EIF4G3: variants seen among roughly 807,000 people sequenced by gnomAD.
EIF4G3 encodes eukaryotic translation initiation factor 4 gamma 3.
EIF4G3 carries 34 observed loss-of-function variants against 186.4 expected under a neutral mutation model. The ratio of observed to expected loss-of-function variants is 0.18; its 90% CI spans 0.14 to 0.24. The LOEUF (loss-of-function observed/expected upper bound fraction) is 0.24. Among genes scored for constraint, EIF4G3 ranks in the 10% least tolerant of loss-of-function variants. EIF4G3 has a pLI of 1.00. For missense variants in EIF4G3, 1,536 were observed against 1,948.5 expected (o/e 0.79, Z 3.99); for synonymous variants, 673 against 679.5 (o/e 0.99, Z 0.15).
At chr1:21,096,068 G>A (rs949455421) in intron 2 of EIF4G3, among the ~76,000 whole-genome samples, 1 of 152,138 alleles carries the variant, frequency 6.6e-6, no homozygotes, top group African/African-American at 2.4e-5. Flanking sequence ...GCAAAGCAAA[G>A]GCAGAAGGCA....
At chr1:20,990,490 T>C (rs1202136032) in intron 7 of EIF4G3, among the ~76,000 whole-genome samples, 1 of 152,120 alleles carries the variant, frequency 6.6e-6, no homozygotes, top group Non-Finnish European at 1.5e-5. Context: ...CTGGCCAACA[T>C]GGTGAAACCC....
chr1:20,920,065 C>T (rs921110643), intron 14 of EIF4G3, among the ~76,000 whole-genome samples: 2 of 152,082 alleles, frequency 1.3e-5, no homozygotes, highest in African/African-American at 4.8e-5. Flanking sequence ...CACCACCACA[C>T]CCAGCTAATT....
At chr1:21,000,492 G>A (rs2083258600) in intron 6 of EIF4G3, among the ~76,000 whole-genome samples, 1 of 151,924 alleles carries the variant, frequency 6.6e-6, no homozygotes, top group Non-Finnish European at 1.5e-5. Flanking sequence ...TCACCAGATG[G>A]GACAGCTGTG....
At chr1:21,040,929 G>C (rs1166095020) in intron 4 of EIF4G3, among the ~76,000 whole-genome samples, 2 of 151,912 alleles carry the variant, frequency 1.3e-5, no homozygotes, top group Non-Finnish European at 2.9e-5. Context: ...AACCAATTCA[G>C]GTGTTTCTGT....
Position 21,138,195 on chromosome 1 carries a change from G to A in EIF4G3, c.-272+37980C>T, listed in dbSNP as rs142368506. 2.2e-3 allele frequency among the ~76,000 whole-genome samples: 337 copies of A among 152,166 alleles called. 2 individuals are homozygous for A. The highest frequency in any genetic ancestry group is 7.6e-3 in the African/African-American group (316 of 41,498). ...GAAAATTTCAAAACATCCTGGAAAC[G>A]CCATTAACTGTATTAATGCAATCCA... On this transcript the variant is annotated intron_variant, in intron 2 of 36. Transcript: ENST00000602326.
intron 3 of EIF4G3, among the ~76,000 whole-genome samples, chr1:21,082,456 C>T (rs1190192003): frequency 1.3e-5 from 2 of 151,920 alleles, no homozygotes; most frequent in African/African-American, 4.8e-5. Context: ...TGTGGTGGCA[C>T]GTGCCTGTAA....
rs1397203131 is a variant in EIF4G3 at position 21,079,084 on chromosome 1, T to C, written c.-196+10054A>G. 3.3e-5 allele frequency among the ~76,000 whole-genome samples: 5 copies of C among 152,312 alleles called. No homozygotes were observed. In the East Asian group the frequency reaches 9.6e-4, roughly 29 times the overall value. ...AGATAAATGATTCTTCTAAAAAAAG[T>C]ATAAATAAATCTTTAGTTTAAATGA... On this transcript the variant is annotated intron_variant, in intron 3 of 36. Coordinates refer to ENST00000602326, the MANE Select transcript of EIF4G3 (RefSeq NM_001391906.1).
intron 3 of EIF4G3, among the ~76,000 whole-genome samples, chr1:21,085,226 T>A (rs765551710): frequency 2.0e-5 from 3 of 152,166 alleles, no homozygotes; most frequent in Admixed American, 6.6e-5. Context: ...TTTTTACTTA[T>A]CTTAATTTAA....
intron 2 of EIF4G3, among the ~76,000 whole-genome samples, chr1:21,117,224 T>G (rs921430787): frequency 2.0e-5 from 3 of 152,160 alleles, no homozygotes; most frequent in African/African-American, 7.2e-5. Context: ...TAAACTCTCC[T>G]TTTCATCTTA....
intron 2 of EIF4G3, among the ~76,000 whole-genome samples, chr1:21,137,129 T>G (rs2097260286): frequency 6.8e-6 from 1 of 146,160 alleles, no homozygotes; most frequent in Admixed American, 7.2e-5. Flanking sequence ...ATTACTTTGC[T>G]TTTGTTTGTT....
chr1:20,898,876 A>G (rs544113630), intron 16 of EIF4G3, among the ~76,000 whole-genome samples: 1 of 152,296 alleles, frequency 6.6e-6, no homozygotes, highest in Admixed American at 6.5e-5. Context: ...AATTACAGGC[A>G]TGTGCCACCA....
At chr1:20,956,532 AC>A (rs1426074108) in intron 12 of EIF4G3, among the ~76,000 whole-genome samples, 2 of 145,872 alleles carry the variant, frequency 1.4e-5, no homozygotes, top group Non-Finnish European at 3.0e-5. Flanking sequence ...TGATGTAATG[AC>A]TGTGGAGAGT....
At chr1:21,071,643 C>T (rs1025778742) in intron 3 of EIF4G3, among the ~76,000 whole-genome samples, 1 of 151,710 alleles carries the variant, frequency 6.6e-6, no homozygotes, top group African/African-American at 2.4e-5. Flanking sequence ...ACCAGCTTGA[C>T]CAAAATACAA....
Position 20,840,888 on chromosome 1 carries a change from T to C in EIF4G3, c.4029A>G (p.Ser1343=). Residue 1343 remains serine (S), a synonymous_variant, in exon 30 of 37, where the codon TCA becomes TCG. Coordinates refer to ENST00000602326, the MANE Select transcript of EIF4G3 (RefSeq NM_001391906.1). ...AAAAGTCCTGTTTGCTGAGTTTTTC[T>C]GACTGTACCAGCTGATAGAGTAATT... ...MGQLLYQLVQ[S]EKLSKQDFFK... is the part of the protein sequence containing the mutation. The C allele has an allele frequency of 6.2e-7, 1 of 1,614,162 alleles. No individual in the cohort carries two copies. The highest frequency in any genetic ancestry group is 8.5e-7 in the Non-Finnish European group (1 of 1,180,014).
At chr1:20,864,415 T>C (rs957422754) in intron 22 of EIF4G3, 61 bp downstream of exon 22, 6 of 1,205,558 alleles carry the variant, frequency 5.0e-6, no homozygotes, top group Admixed American at 1.8e-5. Flanking sequence ...GTTGACAGTC[T>C]AAGTTCTTTT....
intron 2 of EIF4G3, among the ~76,000 whole-genome samples, chr1:21,170,469 G>C (rs938399310): frequency 6.6e-6 from 1 of 151,830 alleles, no homozygotes; most frequent in East Asian, 1.9e-4. Context: ...TCAGGAGTTC[G>C]AGAACAGCCT....
At chr1:20,984,612 C>T (rs1462546239) in intron 7 of EIF4G3, among the ~76,000 whole-genome samples, 25 of 136,140 alleles carry the variant, frequency 1.8e-4, no homozygotes, top group African/African-American at 6.0e-4. Context: ...TTTTTTGAGA[C>T]GGAGTCTTGC....
intron 4 of EIF4G3, among the ~76,000 whole-genome samples, chr1:21,036,709 G>A (rs112076693): frequency 0.034 from 5,181 of 151,912 alleles, 299 homozygotes; most frequent in African/African-American, 0.12. Context: ...GCAAAACCCC[G>A]TCTCTACAAA....
At chr1:21,068,372 CTT>C (rs1301442030) in intron 3 of EIF4G3, among the ~76,000 whole-genome samples, 1 of 28,086 alleles carries the variant, frequency 3.6e-5, no homozygotes, top group Non-Finnish European at 9.4e-5. Context: ...GAAACTCTGT[CTT>C]TAAAAAAAAA....
Sources: allele counts gnomAD v4.1 joint callset (sites outside exome capture counted in the v4.1 genomes callset), GRCh38; gene constraint gnomAD v4.1.1; transcripts MANE v1.5; gene names NCBI Gene and HGNC (gene_info 2026-07-23, HGNC 2026-07-21).